FHIT: variants seen among roughly 807,000 people sequenced by gnomAD.
FHIT encodes fragile histidine triad diadenosine triphosphatase.
In FHIT, 19 loss-of-function variants were observed where a neutral mutation model predicts 17.9. The observed-to-expected ratio is 1.06, with a 90% confidence interval of 0.74 to 1.56. The LOEUF is 1.56. FHIT is among the 40% of genes most tolerant of loss of function. FHIT has a pLI of 0.00. For missense variants in FHIT, 248 were observed against 189.2 expected, an observed-to-expected ratio of 1.31 and a Z score of -1.82; for synonymous variants, 81 against 69.7, an observed-to-expected ratio of 1.16 and a Z score of -0.81.
intron 5 of FHIT, among the ~76,000 whole-genome samples, chr3:60,020,565 C>A (rs1350071552): frequency 6.6e-6 from 1 of 152,076 alleles, no homozygotes; most frequent in Non-Finnish European, 1.5e-5. Context: ...TTCTTCTGAA[C>A]TAATAAAAAA....
intron 3 of FHIT, among the ~76,000 whole-genome samples, chr3:60,994,969 A>T (rs902307461): frequency 6.2e-4 from 95 of 152,302 alleles, no homozygotes; most frequent in African/African-American, 2.0e-3. Flanking sequence ...TAGAAATTTT[A>T]AAAAATTTAG....
chr3:61,157,969 G>A (rs2037579634), intron 2 of FHIT, among the ~76,000 whole-genome samples: 1 of 152,096 alleles, frequency 6.6e-6, no homozygotes, highest in South Asian at 2.1e-4. Flanking sequence ...TTGGGTTTAT[G>A]CCTGTTATAT....
At chr3:60,839,971 C>T (rs1575586435) in intron 3 of FHIT, among the ~76,000 whole-genome samples, 2 of 152,060 alleles carry the variant, frequency 1.3e-5, no homozygotes, top group African/African-American at 2.4e-5. Context: ...CTGCATGCCA[C>T]CTTCATGCTG....
At chr3:60,393,188 C>T (rs1184674565) in intron 5 of FHIT, among the ~76,000 whole-genome samples, 1 of 151,974 alleles carries the variant, frequency 6.6e-6, no homozygotes, top group Non-Finnish European at 1.5e-5. Flanking sequence ...CATTGACCCC[C>T]AATTCTTTAG....
rs190504347 is a variant in FHIT, at chr3:60,193,788, G to C, written c.104-179636C>G. On this transcript the variant is annotated intron_variant, in intron 5 of 9. Transcript: ENST00000492590. ...CACAGTGTGATATGTCCAATGTCAG[G>C]GGCCAGTAATGAGAACATGGGGGCA... is the stretch of plus-strand genomic sequence containing the variant. Among the ~76,000 whole-genome samples the C allele has an allele frequency of 1.7e-3, 253 of 152,224 alleles. 1 individual carries two copies. The highest frequency in any genetic ancestry group is 5.7e-3 in the African/African-American group (238 of 41,532).
intron 5 of FHIT, among the ~76,000 whole-genome samples, chr3:60,051,694 A>C (rs1265045544): frequency 5.9e-5 from 9 of 152,206 alleles, no homozygotes; most frequent in Non-Finnish European, 1.5e-5. Flanking sequence ...TTAATGACAC[A>C]AAAGTGGAGG....
intron 5 of FHIT, among the ~76,000 whole-genome samples, chr3:60,345,392 T>C (rs1710726655): frequency 6.6e-6 from 1 of 152,212 alleles, no homozygotes; most frequent in Non-Finnish European, 1.5e-5. Flanking sequence ...AATAAGCTTC[T>C]TTACCAATTC....
intron 2 of FHIT, among the ~76,000 whole-genome samples, chr3:61,077,800 G>A (rs2106764251): frequency 6.6e-6 from 1 of 152,202 alleles, no homozygotes; most frequent in East Asian, 1.9e-4. Flanking sequence ...CATGTGAGCA[G>A]GCACTATCTT....
chr3:60,823,406 T>C (rs1202524167), intron 3 of FHIT, among the ~76,000 whole-genome samples: 1 of 152,160 alleles, frequency 6.6e-6, no homozygotes, highest in East Asian at 1.9e-4. Context: ...ATTATTTAAG[T>C]TAAGATGAAG....
Position 60,519,557 on chromosome 3 carries a change from T to C in FHIT, c.103+17303A>G, listed in dbSNP as rs1222479120. ...TAACAAATATTTTGTTTATGTATTA[T>C]GTATTGTATTCTTAAAGTAAACTAG... On this transcript the variant is annotated intron_variant, in intron 5 of 9. Coordinates refer to ENST00000492590, the MANE Select transcript of FHIT (RefSeq NM_002012.4). Among the ~76,000 whole-genome samples the C allele has an allele frequency of 2.6e-5, 4 of 151,558 alleles. 1 individual carries two copies. Among genetic ancestry groups the C allele is most frequent in the African/African-American group, 4.9e-5 (2 of 41,206 alleles).
intron 4 of FHIT, among the ~76,000 whole-genome samples, chr3:60,676,022 G>A (rs913786945): frequency 2.0e-5 from 3 of 152,122 alleles, no homozygotes; most frequent in Admixed American, 6.5e-5. Context: ...TGCAACTTAC[G>A]TATATCAATC....
intron 8 of FHIT, among the ~76,000 whole-genome samples, chr3:59,906,246 G>C (rs1704580721): frequency 6.6e-6 from 1 of 152,190 alleles, no homozygotes; most frequent in African/African-American, 2.4e-5. Context: ...TTGATTGTGT[G>C]TGTGTTTATA....
intron 5 of FHIT, among the ~76,000 whole-genome samples, chr3:60,495,378 C>A (rs1031246993): frequency 5.9e-5 from 9 of 151,528 alleles, no homozygotes; most frequent in Admixed American, 4.6e-4. Context: ...CTTCATTTCC[C>A]AACTGTTTTC....
At chr3:60,713,346 C>G (rs1445657524) in intron 4 of FHIT, among the ~76,000 whole-genome samples, 1 of 150,412 alleles carries the variant, frequency 6.6e-6, no homozygotes, top group Admixed American at 6.7e-5. Flanking sequence ...AAATTGACAC[C>G]CTAACATCAC....
chr3:60,863,953 G>A (rs1704043005), intron 3 of FHIT, among the ~76,000 whole-genome samples: 1 of 152,028 alleles, frequency 6.6e-6, no homozygotes, highest in Admixed American at 6.6e-5. Flanking sequence ...TACCCGAGAT[G>A]GGATAATTTA....
At chr3:60,590,674 A>T (rs922455690) in intron 4 of FHIT, among the ~76,000 whole-genome samples, 1 of 152,132 alleles carries the variant, frequency 6.6e-6, no homozygotes, top group Non-Finnish European at 1.5e-5. Flanking sequence ...ATCTTATTCC[A>T]TTAGTAAAAT....
At chr3:60,107,334 T>C (rs1704469043) in intron 5 of FHIT, among the ~76,000 whole-genome samples, 1 of 151,966 alleles carries the variant, frequency 6.6e-6, no homozygotes, top group Non-Finnish European at 1.5e-5. Flanking sequence ...CTAAAAAAAA[T>C]TAAAATACAG....
intron 3 of FHIT, among the ~76,000 whole-genome samples, chr3:60,880,128 G>C (rs1211661886): frequency 1.3e-5 from 2 of 152,052 alleles, no homozygotes; most frequent in African/African-American, 4.8e-5. Context: ...AAAACAACAA[G>C]AGAAATGTGT....
intron 4 of FHIT, among the ~76,000 whole-genome samples, chr3:60,573,999 A>G (rs1553656683): frequency 6.6e-6 from 1 of 151,828 alleles, no homozygotes; most frequent in Non-Finnish European, 1.5e-5. Flanking sequence ...TAGTAGAGAC[A>G]GCATTTCACC....
Sources: allele counts gnomAD v4.1 joint callset (sites outside exome capture counted in the v4.1 genomes callset), GRCh38; gene constraint gnomAD v4.1.1; transcripts MANE v1.5; gene names NCBI Gene and HGNC (gene_info 2026-07-23, HGNC 2026-07-21).